The following HEMK2 variants were observed in gnomAD, a reference collection of about 807,000 sequenced individuals.
HEMK2 encodes HemK methyltransferase 2, ETF1 glutamine and histone H4 lysine, also known as methyltransferase HEMK2.
At chr21:28,787,031 C>G in the HEMK2 span, among the ~76,000 whole-genome samples, 1 of 152,120 alleles carries the variant, frequency 6.6e-6, no homozygotes, top group Non-Finnish European at 1.5e-5. Context: ...ACCAATGGAA[C>G]AGAAGAGAGA....
At chr21:28,644,382 A>T in the HEMK2 span, among the ~76,000 whole-genome samples, 1 of 152,136 alleles carries the variant, frequency 6.6e-6, no homozygotes, top group African/African-American at 2.4e-5. Context: ...GATTATGGGG[A>T]TCACAATTCC....
chr21:28,841,324 T>A, the HEMK2 span, among the ~76,000 whole-genome samples: 50 of 14,836 alleles, frequency 3.4e-3, 1 homozygote, highest in African/African-American at 0.024. Context: ...TAATATATAT[T>A]ATATATAAAT....
the HEMK2 span, among the ~76,000 whole-genome samples, chr21:28,819,544 C>CTT: frequency 0.18 from 19,849 of 111,784 alleles, 2,385 homozygotes; most frequent in East Asian, 0.38. Flanking sequence ...TTTTCTTTTC[C>CTT]TTTTTTTTTT....
At chr21:28,756,807 C>T in the HEMK2 span, among the ~76,000 whole-genome samples, 1 of 152,186 alleles carries the variant, frequency 6.6e-6, no homozygotes, top group Non-Finnish European at 1.5e-5. Context: ...CTTCCAACAG[C>T]AATATCATGT....
chr21:28,823,360 GTTGT>G, the HEMK2 span, among the ~76,000 whole-genome samples: 1 of 152,168 alleles, frequency 6.6e-6, no homozygotes, highest in South Asian at 2.1e-4. Flanking sequence ...TCAATAGATC[GTTGT>G]TTGTTGAATC....
the HEMK2 span, among the ~76,000 whole-genome samples, chr21:28,683,056 A>T: frequency 1.1e-4 from 16 of 151,522 alleles, no homozygotes; most frequent in African/African-American, 2.7e-4. Context: ...AAAGTATAAT[A>T]AAAAAATTAA....
chr21:28,855,283 A>G, the HEMK2 span, among the ~76,000 whole-genome samples: 2 of 152,370 alleles, frequency 1.3e-5, no homozygotes, highest in African/African-American at 4.8e-5. Context: ...ACATAAGGGT[A>G]AAGGATTGAA....
the HEMK2 span, among the ~76,000 whole-genome samples, chr21:28,789,855 G>C: frequency 6.6e-6 from 1 of 152,152 alleles, no homozygotes; most frequent in African/African-American, 2.4e-5. Context: ...AGAGTGTTTA[G>C]ACTAAGACCA....
the HEMK2 span, among the ~76,000 whole-genome samples, chr21:28,654,454 T>C: frequency 1.3e-5 from 2 of 152,086 alleles, no homozygotes; most frequent in African/African-American, 2.4e-5. Context: ...GTATCTTTTT[T>C]TGGTGGTAGA....
chr21:28,832,802 G>A, the HEMK2 span, among the ~76,000 whole-genome samples: 18 of 152,176 alleles, frequency 1.2e-4, no homozygotes, highest in Non-Finnish European at 2.1e-4. Context: ...GTATTGATAC[G>A]TATGTTCAAA....
chr21:28,596,166 G>A, the HEMK2 span, among the ~76,000 whole-genome samples: 4 of 151,770 alleles, frequency 2.6e-5, no homozygotes, highest in East Asian at 1.9e-4. Context: ...ACAGGCGCCC[G>A]CCACCACACC....
chr21:28,840,164 T>C, the HEMK2 span, among the ~76,000 whole-genome samples: 1 of 152,122 alleles, frequency 6.6e-6, no homozygotes, highest in Non-Finnish European at 1.5e-5. Flanking sequence ...CCTAGCCACA[T>C]GTAGGAGAAT....
chr21:28,619,548 A>T, the HEMK2 span, among the ~76,000 whole-genome samples: 2 of 152,244 alleles, frequency 1.3e-5, no homozygotes, highest in African/African-American at 4.8e-5. Context: ...AGATACTAAA[A>T]TAAACTGGTA....
the HEMK2 span, among the ~76,000 whole-genome samples, chr21:28,657,136 T>C: frequency 6.6e-6 from 1 of 152,112 alleles, no homozygotes; most frequent in Non-Finnish European, 1.5e-5. Context: ...ATGTATGTTT[T>C]TCTATTGTAA....
the HEMK2 span, chr21:28,876,543 T>C: frequency 1.7e-6 from 2 of 1,153,320 alleles, no homozygotes; most frequent in Non-Finnish European, 2.5e-6. Context: ...GTAGTGTGCA[T>C]GATCAATAAG....
the HEMK2 span, among the ~76,000 whole-genome samples, chr21:28,871,029 T>C: frequency 1.3e-5 from 2 of 152,230 alleles, no homozygotes; most frequent in African/African-American, 4.8e-5. Flanking sequence ...CTTGATGTAG[T>C]ACTAATTGAG....
chr21:28,753,149 G>A, the HEMK2 span, among the ~76,000 whole-genome samples: 1 of 152,114 alleles, frequency 6.6e-6, no homozygotes, highest in East Asian at 1.9e-4. Flanking sequence ...TTAAGGTCAG[G>A]AGTTGGAGAC....
the HEMK2 span, chr21:28,878,185 G>C: frequency 6.4e-7 from 1 of 1,561,032 alleles, no homozygotes; most frequent in Non-Finnish European, 8.7e-7. Context: ...AAATTGGTCT[G>C]TATTACCTGG....
At chr21:28,880,775 T>TA in the HEMK2 span, among the ~76,000 whole-genome samples, 11,637 of 145,096 alleles carry the variant, frequency 0.08, 1,065 homozygotes, top group African/African-American at 0.22. Context: ...ATTTTTTAAA[T>TA]AAAAAAAAAA....
Sources: allele counts gnomAD v4.1 joint callset (sites outside exome capture counted in the v4.1 genomes callset), GRCh38; gene constraint gnomAD v4.1.1; transcripts MANE v1.5; gene names NCBI Gene and HGNC (gene_info 2026-07-23, HGNC 2026-07-21).